Variants in TBL1XR1 observed in about 807,000 individuals in gnomAD.
TBL1XR1 encodes the protein TBL1X/Y related 1.
Under a neutral mutation model 66.9 loss-of-function variants are expected in TBL1XR1, and 5 were observed. The ratio of observed to expected loss-of-function variants is 0.07; its 90% CI spans 0.04 to 0.16. The LOEUF (loss-of-function observed/expected upper bound fraction) is 0.16. TBL1XR1 is among the 10% of genes least tolerant of loss of function. The probability of loss-of-function intolerance (pLI) is 1.00; values close to 1 mark genes in which losing one functional copy is unlikely to be tolerated. For synonymous variants in TBL1XR1, 210 were observed against 206.0 expected, an observed-to-expected ratio of 1.02 and a Z score of -0.17; for missense variants, 238 against 623.2, an observed-to-expected ratio of 0.38 and a Z score of 6.58.
intron 10 of TBL1XR1, among the ~76,000 whole-genome samples, chr3:177,045,284 C>T (rs1716170233): frequency 6.6e-6 from 1 of 152,034 alleles, no homozygotes; most frequent in South Asian, 2.1e-4. Flanking sequence ...TTTTCTAGCA[C>T]AACAAAATCA....
chr3:177,148,778 G>A (rs1389897894), intron 1 of TBL1XR1, among the ~76,000 whole-genome samples: 1 of 152,116 alleles, frequency 6.6e-6, no homozygotes, highest in Non-Finnish European at 1.5e-5. Flanking sequence ...GGGAGGCCGG[G>A]TGGATCACCT....
chr3:177,084,214 C>A lies in TBL1XR1; in HGVS notation c.-46+14252G>T, dbSNP rs80061072. Among the ~76,000 whole-genome samples, 329 of 152,156 alleles carry A rather than the reference C, an allele frequency of 2.2e-3. 21 individuals carry two copies. The East Asian group carries it at 0.058, about 27-fold the overall frequency. On this transcript the variant is annotated intron_variant, in intron 2 of 15. Coordinates refer to ENST00000457928, the MANE Select transcript of TBL1XR1 (RefSeq NM_024665.7). ...GTACCTGAGTAACGTAAATCCCTAA[C>A]AGAATACAGAACATTGCCAATGCCT...
At chr3:177,115,653 A>C (rs1216085409) in intron 1 of TBL1XR1, among the ~76,000 whole-genome samples, 1 of 152,164 alleles carries the variant, frequency 6.6e-6, no homozygotes, top group African/African-American at 2.4e-5. Context: ...TCTACAGCCC[A>C]AATTGTTTTT....
At chr3:177,037,946 T>C (rs1715049272) in intron 12 of TBL1XR1, 152 bp downstream of exon 12, 1 of 609,438 alleles carries the variant, frequency 1.6e-6, no homozygotes, top group Admixed American at 3.3e-5. Context: ...CTATAAAATT[T>C]AAAAAACAAT....
chr3:177,158,386 G>A (rs1317427331), intron 1 of TBL1XR1, among the ~76,000 whole-genome samples: 1 of 151,858 alleles, frequency 6.6e-6, no homozygotes, highest in African/African-American at 2.4e-5. Flanking sequence ...GAACCACTAT[G>A]CCCAGCTAAT....
At chr3:177,182,284 T>A (rs1470183496) in intron 1 of TBL1XR1, among the ~76,000 whole-genome samples, 1 of 151,984 alleles carries the variant, frequency 6.6e-6, no homozygotes, top group Non-Finnish European at 1.5e-5. Context: ...CTCAAGAGGC[T>A]GAGGTGATAG....
chr3:177,103,110 A>G (rs535135162), intron 1 of TBL1XR1, among the ~76,000 whole-genome samples: 87 of 152,340 alleles, frequency 5.7e-4, no homozygotes, highest in African/African-American at 2.0e-3. Context: ...GAATTACTGA[A>G]CAAATAAATC....
At chr3:177,058,819 C>CATT (rs977011305) in intron 3 of TBL1XR1, among the ~76,000 whole-genome samples, 10 of 152,126 alleles carry the variant, frequency 6.6e-5, no homozygotes, top group African/African-American at 2.4e-4. Context: ...ATTAAAGGAC[C>CATT]ATTGTCCCTT....
In TBL1XR1 at chr3:177,020,598, G is replaced by C. The variant is rs2108356918; in HGVS notation, c.*4900C>G. On this transcript the variant is annotated 3_prime_UTR_variant, in exon 16 of 16. Coordinates refer to ENST00000457928, the MANE Select transcript of TBL1XR1 (RefSeq NM_024665.7). The stretch of plus-strand genomic sequence containing the variant: ...TTATGAAGGCTAACTTGGAAAAAAA[G>C]GTTTATTCTACAATAGAACACTGGA... 6.6e-6 allele frequency: 1 copy of C among 152,032 alleles called. No individual in the cohort carries two copies. Among genetic ancestry groups the C allele is most frequent in the East Asian group, 1.9e-4 (1 of 5,194 alleles). The allele number at this position is 152,032 out of a possible 1,614,324, so 9.4% of individuals were successfully genotyped here.
In TBL1XR1 at chr3:177,098,515, G is replaced by T. The variant is rs1431822805; in HGVS notation, c.-95C>A. ...ATGTGCAACTGAATATCCGGTCACC[G>T]CCAATCACAAGTTGCTGTTGTTGAT... On this transcript the variant is annotated 5_prime_UTR_variant, in exon 2 of 16. Transcript: ENST00000457928. 2.0e-6 allele frequency: 2 copies of T among 985,686 alleles called. No homozygotes were observed. Among genetic ancestry groups the T allele is most frequent in the Non-Finnish European group, 2.4e-6 (2 of 829,920 alleles). 61.1% of individuals were successfully genotyped at this position (985,686 alleles called of 1,614,324 possible). A position where few individuals can be genotyped will look rare whatever the true frequency, so the allele number is the denominator to read the frequency against.
chr3:177,112,103 ATATATTTT>A (rs1423825597), intron 1 of TBL1XR1, among the ~76,000 whole-genome samples: 43 of 46,920 alleles, frequency 9.2e-4, no homozygotes, highest in African/African-American at 4.4e-3. Flanking sequence ...ATATATATAT[ATATATTTT>A]TTTTTTTTTT....
chr3:177,198,328 C>G (rs917151760), upstream of TBL1XR1, among the ~76,000 whole-genome samples: 3 of 152,110 alleles, frequency 2.0e-5, no homozygotes, highest in African/African-American at 7.2e-5. Flanking sequence ...TCTGGTGGGT[C>G]TGTTTGAAAG....
intron 2 of TBL1XR1, among the ~76,000 whole-genome samples, chr3:177,077,568 G>C (rs760593289): frequency 2.0e-5 from 3 of 152,286 alleles, no homozygotes; most frequent in Admixed American, 2.0e-4. Flanking sequence ...GACAGCCTAA[G>C]AGTCTCCTAA....
chr3:177,030,314 T>C (rs1247567650), intron 14 of TBL1XR1, among the ~76,000 whole-genome samples: 2 of 151,698 alleles, frequency 1.3e-5, no homozygotes, highest in African/African-American at 4.8e-5. Context: ...AATATATTAA[T>C]ATATTCATAT....
chr3:177,038,293 G>A lies in TBL1XR1; in HGVS notation c.1047+20C>T. On this transcript the variant is annotated intron_variant, in intron 11 of 15. Coordinates refer to ENST00000457928, the MANE Select transcript of TBL1XR1 (RefSeq NM_024665.7). ...ACTTGTTAATCATGACCACTTTAAT[G>A]TGGAAAAAAGGTTTCTTACCGTATG... 1 of 1,592,876 alleles carries A rather than the reference G, an allele frequency of 6.3e-7. No individual in the cohort carries two copies. Among genetic ancestry groups the A allele is most frequent in the Non-Finnish European group, 8.6e-7 (1 of 1,168,870 alleles).
intron 2 of TBL1XR1, among the ~76,000 whole-genome samples, chr3:177,080,631 A>T (rs180757206): frequency 1.6e-3 from 240 of 151,976 alleles, no homozygotes; most frequent in African/African-American, 5.3e-3. Context: ...AAAAATATAT[A>T]TTTTTTTTCA....
chr3:177,101,526 C>A lies in TBL1XR1; in HGVS notation c.-121-2985G>T, dbSNP rs111746846. Among the ~76,000 whole-genome samples, 89 of 152,026 alleles carry A rather than the reference C, an allele frequency of 5.9e-4. 1 individual carries two copies. Among genetic ancestry groups the A allele is most frequent in the Admixed American group, 2.8e-3 (42 of 15,258 alleles). On this transcript the variant is annotated intron_variant, in intron 1 of 15. Transcript: ENST00000457928. ...AAGATAAAGTCATCAGGGTGTAGCC[C>A]CCATGATGGGACTGGCCACTTTATA...
intron 1 of TBL1XR1, among the ~76,000 whole-genome samples, chr3:177,188,727 T>C (rs922060356): frequency 6.6e-6 from 1 of 152,156 alleles, no homozygotes; most frequent in Non-Finnish European, 1.5e-5. Flanking sequence ...AACCTATTCA[T>C]TTCACATAAA....
chr3:177,165,134 T>C (rs1732672774), intron 1 of TBL1XR1, among the ~76,000 whole-genome samples: 1 of 152,136 alleles, frequency 6.6e-6, no homozygotes, highest in Non-Finnish European at 1.5e-5. Flanking sequence ...GATGACATGA[T>C]TGTCTACACA....
Sources: allele counts gnomAD v4.1 joint callset (sites outside exome capture counted in the v4.1 genomes callset), GRCh38; gene constraint gnomAD v4.1.1; transcripts MANE v1.5; gene names NCBI Gene and HGNC (gene_info 2026-07-23, HGNC 2026-07-21).